Variants in PTPRD observed in about 807,000 individuals in gnomAD.
PTPRD encodes receptor-type tyrosine-protein phosphatase delta.
In PTPRD, 34 loss-of-function variants were observed where a neutral mutation model predicts 214.5. The ratio of observed to expected loss-of-function variants is 0.16; its 90% CI spans 0.12 to 0.21. The LOEUF (loss-of-function observed/expected upper bound fraction) is 0.21. Ranked by LOEUF, PTPRD falls within the 10% of genes least tolerant of loss-of-function variation. The pLI is 1.00. For missense variants in PTPRD, 2,545 were observed against 2,398.7 expected (o/e 1.06, Z -1.27); for synonymous variants, 1,128 against 845.7 (o/e 1.33, Z -5.79).
intron 10 of PTPRD, among the ~76,000 whole-genome samples, chr9:9,058,791 A>T (rs2099701774): frequency 6.6e-6 from 1 of 152,066 alleles, no homozygotes; most frequent in Non-Finnish European, 1.5e-5. Context: ...TCTTAAAGTT[A>T]GAGAGGTTGT....
At chr9:9,888,822 G>C (rs1395107346) in intron 5 of PTPRD, among the ~76,000 whole-genome samples, 1 of 152,054 alleles carries the variant, frequency 6.6e-6, no homozygotes, top group Non-Finnish European at 1.5e-5. Flanking sequence ...AAGACAAAGA[G>C]TATTGTAGAG....
At chr9:8,351,742 TAA>T (rs71317359) in intron 39 of PTPRD, among the ~76,000 whole-genome samples, 987 of 68,414 alleles carry the variant, frequency 0.014, 14 homozygotes, top group African/African-American at 0.049. Context: ...TGGCAAAGAG[TAA>T]AAAAAAAAAA....
chr9:9,895,831 C>A (rs2074807835), intron 5 of PTPRD, among the ~76,000 whole-genome samples: 1 of 152,060 alleles, frequency 6.6e-6, no homozygotes, highest in African/African-American at 2.4e-5. Context: ...GATTTATACA[C>A]TTGGTTTTTT....
chr9:9,040,932 T>A (rs324523), intron 10 of PTPRD, among the ~76,000 whole-genome samples: 2 of 152,088 alleles, frequency 1.3e-5, no homozygotes, highest in Non-Finnish European at 2.9e-5. Flanking sequence ...GAACTGGTCC[T>A]ACCTTCTCAC....
chr9:8,579,077 A>G (rs2092776471), intron 14 of PTPRD, among the ~76,000 whole-genome samples: 1 of 152,228 alleles, frequency 6.6e-6, no homozygotes, highest in Non-Finnish European at 1.5e-5. Flanking sequence ...TTAAAACTTA[A>G]TAATAATTTG....
At chr9:8,399,963 G>C (rs927522284) in intron 36 of PTPRD, among the ~76,000 whole-genome samples, 31 of 152,144 alleles carry the variant, frequency 2.0e-4, no homozygotes, top group African/African-American at 6.3e-4. Flanking sequence ...TTTTGGGGTT[G>C]GGCCTCCATA....
intron 3 of PTPRD, among the ~76,000 whole-genome samples, chr9:10,095,197 A>G (rs1238474284): frequency 6.6e-6 from 1 of 151,482 alleles, no homozygotes; most frequent in Non-Finnish European, 1.5e-5. Flanking sequence ...TTTCACTTTA[A>G]TGGATTTAAC....
intron 10 of PTPRD, among the ~76,000 whole-genome samples, chr9:9,180,448 G>A (rs1251149139): frequency 8.2e-6 from 1 of 122,530 alleles, no homozygotes; most frequent in Admixed American, 9.1e-5. Context: ...GGCCTGTTGT[G>A]GGGTGGGGGG....
In PTPRD at chr9:8,317,275, T is replaced by G. The variant is rs145536755; in HGVS notation, c.*599A>C. On this transcript the variant is annotated 3_prime_UTR_variant, in exon 46 of 46. Transcript: ENST00000381196. ...AAAAATGAAGAGTTATGTAACTTTT[T>G]TAAAATTCACTTTATCGAATGATAC... 1.2e-4 allele frequency: 28 copies of G among 232,380 alleles called. No individual in the cohort carries two copies. In the East Asian group the frequency reaches 1.7e-3, roughly 14 times the overall value. The allele number at this position is 232,380 out of a possible 1,614,324, so 14.4% of individuals were successfully genotyped here.
intron 3 of PTPRD, among the ~76,000 whole-genome samples, chr9:10,106,179 C>A (rs1435936610): frequency 6.6e-6 from 1 of 151,690 alleles, no homozygotes; most frequent in Non-Finnish European, 1.5e-5. Context: ...TTAACAAGTT[C>A]TCTCCTCTAC....
In PTPRD at chr9:10,082,943, C is replaced by T. The variant is rs192627923; in HGVS notation, c.-544-49153G>A. Among the ~76,000 whole-genome samples the T allele has an allele frequency of 1.6e-3, 247 of 151,632 alleles. 1 individual carries two copies. The highest frequency in any genetic ancestry group is 2.8e-3 in the Non-Finnish European group (192 of 67,892). The stretch of plus-strand genomic sequence containing the variant: ...GATGATTATTCAAAAGGAAACTAAA[C>T]GACAGTTCTTACTTTAAGAAAACAA... On this transcript the variant is annotated intron_variant, in intron 3 of 45. Coordinates refer to ENST00000381196, the MANE Select transcript of PTPRD (RefSeq NM_002839.4).
At chr9:8,727,166 G>A (rs916791869) in intron 12 of PTPRD, among the ~76,000 whole-genome samples, 4 of 152,184 alleles carry the variant, frequency 2.6e-5, no homozygotes, top group Non-Finnish European at 1.5e-5. Context: ...CATCCTTAGA[G>A]TTTAGGGCCT....
At chr9:9,388,708 T>TA (rs1236178402) in intron 9 of PTPRD, among the ~76,000 whole-genome samples, 1 of 152,080 alleles carries the variant, frequency 6.6e-6, no homozygotes, top group African/African-American at 2.4e-5. Context: ...AAAAATTAAA[T>TA]AAAAATATTT....
intron 11 of PTPRD, among the ~76,000 whole-genome samples, chr9:8,921,172 G>A (rs760835900): frequency 5.3e-5 from 8 of 152,192 alleles, no homozygotes; most frequent in Non-Finnish European, 1.2e-4. Flanking sequence ...ACTGGAATCT[G>A]TGAGGCTATT....
intron 45 of PTPRD, among the ~76,000 whole-genome samples, chr9:8,319,047 A>G (rs59843495): frequency 0.099 from 15,037 of 152,058 alleles, 857 homozygotes; most frequent in African/African-American, 0.14. Flanking sequence ...TAAATGTCCA[A>G]TTTCCCTCTG....
intron 7 of PTPRD, among the ~76,000 whole-genome samples, chr9:9,606,695 CA>C (rs1243521681): frequency 1.3e-5 from 2 of 151,670 alleles, no homozygotes; most frequent in East Asian, 3.9e-4. Flanking sequence ...TACCAACCAC[CA>C]GGGGGTAATA....
chr9:8,999,592 G>T (rs1353875765), intron 11 of PTPRD, among the ~76,000 whole-genome samples: 1 of 151,854 alleles, frequency 6.6e-6, no homozygotes, highest in African/African-American at 2.4e-5. Context: ...TTGCTTTATT[G>T]CGGTGGTCTG....
At chr9:8,759,396 G>A (rs534276276) in intron 11 of PTPRD, among the ~76,000 whole-genome samples, 3 of 151,918 alleles carry the variant, frequency 2.0e-5, no homozygotes, top group Non-Finnish European at 4.4e-5. Context: ...TGTCTTGGAG[G>A]AGGCAACTAA....
chr9:8,726,922 G>C (rs116482172), intron 12 of PTPRD, among the ~76,000 whole-genome samples: 7,804 of 151,518 alleles, frequency 0.052, 651 homozygotes, highest in African/African-American at 0.18. Flanking sequence ...AGTGAGCGGA[G>C]ACTGTGCCAC....
Sources: gnomAD v4.1 joint callset for allele counts (sites outside exome capture counted in the v4.1 genomes callset) on GRCh38, gnomAD v4.1.1 for gene constraint, MANE v1.5 for transcripts, NCBI Gene and HGNC (gene_info 2026-07-23, HGNC 2026-07-21) for gene names.